EPHA6: variants seen among roughly 807,000 people sequenced by gnomAD.
The protein encoded by EPHA6 is ephrin type-A receptor 6.
A neutral mutation model predicts 112.0 loss-of-function variants in EPHA6; 50 were observed. That is an observed-to-expected ratio of 0.45 (90% CI 0.36 to 0.56). EPHA6 has a LOEUF of 0.56. Among genes scored for constraint, EPHA6 ranks in the 20% least tolerant of loss-of-function variants. The probability of loss-of-function intolerance (pLI) is 0.00; values close to 1 mark genes in which losing one functional copy is unlikely to be tolerated. For missense variants in EPHA6, 1,280 were observed against 1,417.4 expected (o/e 0.90, Z 1.56); for synonymous variants, 529 against 490.7 (o/e 1.08, Z -1.03).
chr3:97,744,202 C>G (rs746598721), intron 16 of EPHA6, among the ~76,000 whole-genome samples: 5 of 151,910 alleles, frequency 3.3e-5, no homozygotes, highest in African/African-American at 1.2e-4. Context: ...ACCTTCTATT[C>G]TACAATAAGT....
At chr3:96,996,513 T>C (rs1463477913) in intron 3 of EPHA6, among the ~76,000 whole-genome samples, 5 of 152,126 alleles carry the variant, frequency 3.3e-5, no homozygotes, top group African/African-American at 1.2e-4. Context: ...TTCTCTGTGA[T>C]TGATGGACTG....
At chr3:96,851,737 CTAGCT>C (rs2035399693) in intron 1 of EPHA6, among the ~76,000 whole-genome samples, 1 of 152,036 alleles carries the variant, frequency 6.6e-6, no homozygotes, top group South Asian at 2.1e-4. Flanking sequence ...TGAGAAGATA[CTAGCT>C]TATGGAAAGG....
rs1199486521 is a variant in EPHA6 at position 97,751,920 on chromosome 3, CATT to C, written c.*3222_*3224del. On this transcript the variant is annotated 3_prime_UTR_variant, in exon 18 of 18. Coordinates refer to ENST00000389672, the MANE Select transcript of EPHA6 (RefSeq NM_001080448.3). ...TGGTCAATTTTGTCTATGGTGAACT[CATT>C]ATCTCATAGTAGAAGGCATATTTGG... Among the ~76,000 whole-genome samples the C allele has an allele frequency of 6.6e-6, 1 of 152,062 alleles. No homozygotes were observed. The highest frequency in any genetic ancestry group is 1.5e-5 in the Non-Finnish European group (1 of 67,968).
chr3:97,628,171 G>C (rs1302807126), intron 13 of EPHA6, among the ~76,000 whole-genome samples: 1 of 152,014 alleles, frequency 6.6e-6, no homozygotes, highest in African/African-American at 2.4e-5. Context: ...CCAGGTAAGA[G>C]ATAATGATGC....
chr3:97,595,676 G>A (rs2093582673), intron 12 of EPHA6, among the ~76,000 whole-genome samples: 1 of 137,916 alleles, frequency 7.3e-6, no homozygotes, highest in Middle Eastern at 3.4e-3. Context: ...TCACAGGAGA[G>A]AAGAGGAGAG....
chr3:97,649,903 C>T (rs933028904), intron 14 of EPHA6, among the ~76,000 whole-genome samples: 15 of 152,070 alleles, frequency 9.9e-5, no homozygotes, highest in African/African-American at 3.6e-4. Flanking sequence ...TACTAGGTTT[C>T]CTAAATTCAC....
chr3:97,748,120 T>G (rs1413467236), intron 17 of EPHA6, among the ~76,000 whole-genome samples: 1 of 152,148 alleles, frequency 6.6e-6, no homozygotes, highest in Non-Finnish European at 1.5e-5. Flanking sequence ...CAGTACAACC[T>G]AAGGGCATTT....
chr3:97,266,267 T>C (rs1305328534), intron 5 of EPHA6, among the ~76,000 whole-genome samples: 1 of 152,192 alleles, frequency 6.6e-6, no homozygotes, highest in African/African-American at 2.4e-5. Context: ...TAAAATAATG[T>C]GATTTAAAGA....
chr3:97,740,621 G>T (rs188393391), intron 16 of EPHA6, among the ~76,000 whole-genome samples: 1 of 152,048 alleles, frequency 6.6e-6, no homozygotes, highest in Admixed American at 6.6e-5. Context: ...AATCATGAAG[G>T]TAGGGAAAAG....
At chr3:97,636,357 C>G (rs1312317367) in intron 13 of EPHA6, among the ~76,000 whole-genome samples, 1 of 152,060 alleles carries the variant, frequency 6.6e-6, no homozygotes, top group Non-Finnish European at 1.5e-5. Context: ...ATAGAAGAGG[C>G]AGATTTCATC....
chr3:97,056,222 A>G (rs1215604464), intron 3 of EPHA6, among the ~76,000 whole-genome samples: 1 of 152,152 alleles, frequency 6.6e-6, no homozygotes, highest in Non-Finnish European at 1.5e-5. Context: ...TATTGGTGCT[A>G]CTATATAATC....
chr3:97,054,943 A>G (rs1409671199), intron 3 of EPHA6, among the ~76,000 whole-genome samples: 2 of 151,822 alleles, frequency 1.3e-5, no homozygotes, highest in African/African-American at 2.4e-5. Flanking sequence ...AATTTTTGTT[A>G]CTTTCTTAAA....
chr3:96,964,273 C>T (rs947279995), intron 2 of EPHA6, among the ~76,000 whole-genome samples: 3 of 152,176 alleles, frequency 2.0e-5, no homozygotes, highest in African/African-American at 4.8e-5. Flanking sequence ...AAGGCCCAAT[C>T]ACAGCAGCCT....
intron 15 of EPHA6, among the ~76,000 whole-genome samples, chr3:97,728,572 C>T (rs566425217): frequency 6.6e-6 from 1 of 152,218 alleles, no homozygotes; most frequent in South Asian, 2.1e-4. Context: ...ATTAAATTTA[C>T]AGAAACACCA....
Position 97,758,136 on chromosome 3 carries a change from G to C in EPHA6, c.*9435G>C, listed in dbSNP as rs1392179611. ...CAGTTTGTAAAATCTTACCAAGTAG[G>C]ATACTTCAAACAAGAGTGAAAAGCT... On this transcript the variant is annotated 3_prime_UTR_variant, in exon 18 of 18. Transcript: ENST00000389672. Among the ~76,000 whole-genome samples the C allele has an allele frequency of 6.6e-6, 1 of 151,818 alleles. No homozygotes were observed. Among genetic ancestry groups the C allele is most frequent in the Non-Finnish European group, 1.5e-5 (1 of 67,806 alleles).
At chr3:97,164,271 T>C (rs2076485748) in intron 3 of EPHA6, among the ~76,000 whole-genome samples, 1 of 152,174 alleles carries the variant, frequency 6.6e-6, no homozygotes, top group Non-Finnish European at 1.5e-5. Flanking sequence ...ACTGCTCTCT[T>C]TGCTGTTGGA....
chr3:97,583,101 T>C (rs1050922725), intron 11 of EPHA6, among the ~76,000 whole-genome samples: 3 of 150,320 alleles, frequency 2.0e-5, no homozygotes, highest in Non-Finnish European at 4.4e-5. Context: ...GTGACAGATA[T>C]ACCCACAGTT....
intron 6 of EPHA6, among the ~76,000 whole-genome samples, chr3:97,431,676 TTCC>T (rs1290820540): frequency 2.0e-5 from 3 of 152,106 alleles, no homozygotes; most frequent in African/African-American, 7.2e-5. Context: ...CTTGGTAATT[TTCC>T]TCCTATTTAT....
At chr3:97,589,251 G>T (rs1185899493) in intron 11 of EPHA6, among the ~76,000 whole-genome samples, 3 of 151,120 alleles carry the variant, frequency 2.0e-5, no homozygotes, top group African/African-American at 7.3e-5. Flanking sequence ...GTGCCCCATA[G>T]TAGCCAAAAG....
Sources: gnomAD v4.1 joint callset for allele counts (sites outside exome capture counted in the v4.1 genomes callset) on GRCh38, gnomAD v4.1.1 for gene constraint, MANE v1.5 for transcripts, NCBI Gene and HGNC (gene_info 2026-07-23, HGNC 2026-07-21) for gene names.